The following SYTL2 variants were observed in gnomAD, a reference collection of about 807,000 sequenced individuals.
The protein encoded by SYTL2 is synaptotagmin like 2.
A neutral mutation model predicts 198.7 loss-of-function variants in SYTL2; 165 were observed. The observed-to-expected ratio is 0.83, with a 90% CI of 0.73 to 0.94. The LOEUF is 0.94. Ranked by LOEUF, SYTL2 falls within the 40% of genes least tolerant of loss-of-function variation. SYTL2 has a pLI of 0.00. For synonymous variants in SYTL2, 966 were observed against 917.7 expected, an observed-to-expected ratio of 1.05 and a Z score of -0.95; for missense variants, 2,835 against 2,582.8, an observed-to-expected ratio of 1.10 and a Z score of -2.12.
chr11:85,724,141 T>C lies in SYTL2; in HGVS notation c.5217A>G (p.Ala1739=), dbSNP rs1031317810. Residue 1739 remains alanine (A), a synonymous_variant, in exon 8 of 20, where the codon GCA becomes GCG. Transcript: ENST00000359152. ...TKTSKVELTL[A]SPYMKQEKEE... ...CTTTCTCTTGTTTCATATATGGCGA[T>C]GCTAGAGTCAATTCAACTTTACTTG... 3 of 1,601,064 alleles carry C rather than the reference T, an allele frequency of 1.9e-6. No individual in the cohort carries two copies. Among genetic ancestry groups the C allele is most frequent in the Admixed American group, 1.8e-5 (1 of 55,886 alleles).
intron 16 of SYTL2, among the ~76,000 whole-genome samples, chr11:85,702,405 T>C (rs1419391365): frequency 6.6e-6 from 1 of 152,070 alleles, no homozygotes; most frequent in Admixed American, 6.6e-5. Flanking sequence ...CTTGTCTCCA[T>C]CCAACTCCTG....
chr11:85,784,369 G>GA (rs543040078), intron 1 of SYTL2, among the ~76,000 whole-genome samples: 155 of 129,484 alleles, frequency 1.2e-3, no homozygotes, highest in East Asian at 5.7e-3. Context: ...CACCAAAATA[G>GA]AAAAAAAAAA....
At chr11:85,754,258 G>C (rs944055589) in intron 2 of SYTL2, among the ~76,000 whole-genome samples, 8 of 152,068 alleles carry the variant, frequency 5.3e-5, no homozygotes, top group Admixed American at 6.6e-5. Flanking sequence ...TGAGAGCTGG[G>C]GCCATGTTTT....
chr11:85,780,518 A>T (rs1467497471), intron 1 of SYTL2, among the ~76,000 whole-genome samples: 1 of 152,174 alleles, frequency 6.6e-6, no homozygotes. Context: ...CACTGTGTCC[A>T]TTGGTTTAAT....
chr11:85,704,105 CAA>C (rs1174353638), intron 16 of SYTL2, among the ~76,000 whole-genome samples: 1 of 151,674 alleles, frequency 6.6e-6, no homozygotes, highest in Non-Finnish European at 1.5e-5. Flanking sequence ...AATTAAGAGA[CAA>C]ATATTTTAAG....
chr11:85,827,993 C>G, the SYTL2 span, among the ~76,000 whole-genome samples: 1 of 152,134 alleles, frequency 6.6e-6, no homozygotes, highest in Non-Finnish European at 1.5e-5. Context: ...TTATCTTAAC[C>G]CTCTGCCATC....
Position 85,757,820 on chromosome 11 carries a change from C to G in SYTL2, c.-95G>C, listed in dbSNP as rs1015429360. 7 of 1,552,006 alleles carry G rather than the reference C, an allele frequency of 4.5e-6. No individual in the cohort carries two copies. The Admixed American group carries it at 5.2e-5, about 12-fold the overall frequency. The stretch of plus-strand genomic sequence containing the variant: ...CTGCAACCAGGAAGATTAAAACACA[C>G]AAAAATGAAATATCTTGTTCAGTTC... On this transcript the variant is annotated 5_prime_UTR_variant, in exon 2 of 20. Transcript: ENST00000359152.
Position 85,734,060 on chromosome 11 carries a change from A to G in SYTL2, c.1269T>C (p.Ser423=). 1 of 1,614,120 alleles carries G rather than the reference A, an allele frequency of 6.2e-7. No individual in the cohort carries two copies. Among genetic ancestry groups the G allele is most frequent in the Non-Finnish European group, 8.5e-7 (1 of 1,179,944 alleles). The part of the protein sequence containing the change: ...SGSFPINGLH[S]HSEVLTARPQ... ...GTCTTGCAGTTAAAACTTCTGAATG[A>G]GAATGCAGCCCATTAATTGGAAAAG... The change falls in exon 7 of 20, where the codon TCT becomes TCC. Residue 423 remains serine (S), a synonymous_variant. Coordinates refer to ENST00000359152, the MANE Select transcript of SYTL2 (RefSeq NM_206927.4).
At chr11:85,700,450 G>C in intron 17 of SYTL2, 65 bp downstream of exon 17, 1 of 1,340,834 alleles carries the variant, frequency 7.5e-7, no homozygotes, top group Non-Finnish European at 1.1e-6. Context: ...AAAACGCATA[G>C]TAAATACTGT....
chr11:85,819,169 TA>T, the SYTL2 span, among the ~76,000 whole-genome samples: 4 of 152,248 alleles, frequency 2.6e-5, no homozygotes, highest in Admixed American at 2.0e-4. Context: ...TATAAAATAC[TA>T]GTAGCTTTTC....
At chr11:85,779,378 G>T (rs1333318809) in intron 1 of SYTL2, among the ~76,000 whole-genome samples, 1 of 152,030 alleles carries the variant, frequency 6.6e-6, no homozygotes, top group Non-Finnish European at 1.5e-5. Flanking sequence ...ACACTTACAC[G>T]GGCTATCTCC....
At position 85,695,105 on chromosome 11, in the gene SYTL2, A is replaced by C; in HGVS notation, c.*90T>G. ...TATTCCTTAGGTGCAATAGATAGAA[A>C]GTGAGGATATTTGTCCACCTACTCA... On this transcript the variant is annotated 3_prime_UTR_variant, in exon 20 of 20. Coordinates refer to ENST00000359152, the MANE Select transcript of SYTL2 (RefSeq NM_206927.4). 1 of 1,365,182 alleles carries C rather than the reference A, an allele frequency of 7.3e-7. No homozygotes were observed. Among genetic ancestry groups the C allele is most frequent in the Admixed American group, 2.1e-5 (1 of 47,648 alleles). 84.6% of individuals were successfully genotyped at this position (1,365,182 alleles called of 1,614,324 possible).
chr11:85,781,332 C>G (rs553432943), intron 1 of SYTL2, among the ~76,000 whole-genome samples: 68 of 152,180 alleles, frequency 4.5e-4, no homozygotes, highest in African/African-American at 1.6e-3. Context: ...GGGGTAATCA[C>G]CCCCATGATT....
chr11:85,765,526 C>T lies in SYTL2; in HGVS notation c.-389-7412G>A, dbSNP rs142383366. On this transcript the variant is annotated intron_variant, in intron 1 of 19. Coordinates refer to ENST00000359152, the MANE Select transcript of SYTL2 (RefSeq NM_206927.4). ...CTGGGATTGCAGGCGTGAGCCACCG[C>T]GCCTGGCAGTTGCCATTTTTTATAG... 4.6e-3 allele frequency among the ~76,000 whole-genome samples: 695 copies of T among 152,292 alleles called. 5 individuals are homozygous for T. The highest frequency in any genetic ancestry group is 0.015 in the African/African-American group (643 of 41,546).
At chr11:85,721,944 G>T (rs972485366) in intron 8 of SYTL2, among the ~76,000 whole-genome samples, 2 of 152,062 alleles carry the variant, frequency 1.3e-5, no homozygotes, top group East Asian at 3.9e-4. Context: ...GTATTGCTTA[G>T]TTAAGAGCTC....
At chr11:85,821,375 G>C in the SYTL2 span, among the ~76,000 whole-genome samples, 62 of 152,268 alleles carry the variant, frequency 4.1e-4, no homozygotes, top group African/African-American at 1.4e-3. Flanking sequence ...GGAAAGGTGA[G>C]ACTTGAGCCA....
chr11:85,794,053 A>G (rs1190984616), intron 1 of SYTL2, among the ~76,000 whole-genome samples: 1 of 152,156 alleles, frequency 6.6e-6, no homozygotes, highest in Non-Finnish European at 1.5e-5. Flanking sequence ...TTTTTCTTGT[A>G]GAGACAGGGT....
intron 4 of SYTL2, among the ~76,000 whole-genome samples, chr11:85,742,229 T>C (rs140446559): frequency 2.0e-5 from 3 of 152,334 alleles, no homozygotes; most frequent in South Asian, 4.1e-4. Context: ...TCTTCTCTCA[T>C]AGCTATGCAA....
intron 4 of SYTL2, among the ~76,000 whole-genome samples, chr11:85,743,923 T>TCCCCAGTCCC (rs1304451330): frequency 6.6e-6 from 1 of 151,924 alleles, no homozygotes; most frequent in Non-Finnish European, 1.5e-5. Context: ...GTTCTAGTGC[T>TCCCCAGTCCC]CCCCAGTCCC....
Sources: gnomAD v4.1 joint callset for allele counts (sites outside exome capture counted in the v4.1 genomes callset) on GRCh38, gnomAD v4.1.1 for gene constraint, MANE v1.5 for transcripts, NCBI Gene and HGNC (gene_info 2026-07-23, HGNC 2026-07-21) for gene names.